The following PLEKHO2 variants were observed in gnomAD, a reference collection of about 807,000 sequenced individuals.
PLEKHO2 encodes the protein pleckstrin homology domain-containing family O member 2.
In PLEKHO2, 20 loss-of-function variants were observed where a neutral mutation model predicts 32.7. The observed-to-expected ratio is 0.61, with a 90% CI of 0.43 to 0.89. The LOEUF is 0.89. Ranked by LOEUF, PLEKHO2 falls within the 40% of genes least tolerant of loss-of-function variation. PLEKHO2 has a pLI of 0.00. For missense variants in PLEKHO2, 568 were observed against 621.2 expected (o/e 0.91, Z 0.91); for synonymous variants, 247 against 246.3 (o/e 1.00, Z -0.03).
rs202091259 is a variant in PLEKHO2, at chr15:64,848,548, C to T, written c.13-45C>T. ...GACCTATGAACCTGTGACCTGTGAC[C>T]CCATGGTAGCAACCCTCATGGTATG... On this transcript the variant is annotated intron_variant, in intron 1 of 5. Coordinates refer to ENST00000323544, the MANE Select transcript of PLEKHO2 (RefSeq NM_025201.5). 1.6e-5 allele frequency: 25 copies of T among 1,611,090 alleles called. No individual in the cohort carries two copies. The East Asian group carries it at 3.8e-4, about 24-fold the overall frequency.
intron 2 of PLEKHO2, among the ~76,000 whole-genome samples, chr15:64,853,066 G>C (rs1360886077): frequency 6.6e-6 from 1 of 150,420 alleles, no homozygotes; most frequent in Non-Finnish European, 1.5e-5. Flanking sequence ...AGGTACCCAG[G>C]AGGCAGAGGT....
chr15:64,850,669 C>T (rs1338501167), intron 2 of PLEKHO2, among the ~76,000 whole-genome samples: 2 of 152,186 alleles, frequency 1.3e-5, no homozygotes, highest in Admixed American at 1.3e-4. Flanking sequence ...CCTTGTGCCT[C>T]GAATAGCCCT....
At chr15:64,857,478 G>C (rs1595831049) in intron 3 of PLEKHO2, among the ~76,000 whole-genome samples, 1 of 152,188 alleles carries the variant, frequency 6.6e-6, no homozygotes, top group East Asian at 1.9e-4. Context: ...GGGACTGCAG[G>C]CACACACCGT....
rs184760228 is a variant in PLEKHO2 at position 64,843,799 on chromosome 15, C to T, written c.12+1771C>T. On this transcript the variant is annotated intron_variant, in intron 1 of 5. Transcript: ENST00000323544. Reference sequence around the variant, plus strand: ...TTCTCCATGTTGGTCAGGCTGGTCTCGAACTCCTGACCTCAGGTGATCCGC... The same window carrying T: ...TTCTCCATGTTGGTCAGGCTGGTCTTGAACTCCTGACCTCAGGTGATCCGC... Among the ~76,000 whole-genome samples the T allele has an allele frequency of 5.2e-3, 786 of 152,158 alleles. 15 individuals are homozygous for T. The highest frequency in any genetic ancestry group is 0.017 in the African/African-American group (711 of 41,492).
chr15:64,861,357 G>A, intron 4 of PLEKHO2, 120 bp from the exon 5 acceptor site: 1 of 664,048 alleles, frequency 1.5e-6, no homozygotes, highest in Non-Finnish European at 2.5e-6. Flanking sequence ...CCAGGGCAGG[G>A]AGATTCCCAG....
Position 64,864,907 on chromosome 15 carries a change from T to A in PLEKHO2, c.492T>A (p.Ser164Arg). 1 of 1,602,828 alleles carries A rather than the reference T, an allele frequency of 6.2e-7. No individual in the cohort carries two copies. The highest frequency in any genetic ancestry group is 8.5e-7 in the Non-Finnish European group (1 of 1,173,314). Residue 164 changes from serine (S) to arginine (R), a missense_variant, in exon 6 of 6, where the codon AGT (serine) becomes AGA (arginine). Ser to Arg is a moderately radical substitution (Grantham distance 110). Coordinates refer to ENST00000323544, the MANE Select transcript of PLEKHO2 (RefSeq NM_025201.5). ...PTRVHLKEVA[S>R]AASDGLLRLD... ...ACCATCCCCCCCACCAGGTGGCCAGTGCAGCTTCTGACGGTCTTCTGCGCC... is the reference window on the plus strand; with the variant it reads ...ACCATCCCCCCCACCAGGTGGCCAGAGCAGCTTCTGACGGTCTTCTGCGCC...
At chr15:64,864,299 A>G (rs993778555) in intron 5 of PLEKHO2, among the ~76,000 whole-genome samples, 1 of 152,154 alleles carries the variant, frequency 6.6e-6, no homozygotes. Context: ...ATCTGATGAC[A>G]TGAGGAGAGT....
intron 2 of PLEKHO2, 56 bp downstream of exon 2, chr15:64,848,798 G>A (rs2084543308): frequency 1.9e-6 from 3 of 1,606,670 alleles, no homozygotes; most frequent in Non-Finnish European, 2.6e-6. Flanking sequence ...CAAAGTGAGG[G>A]CATTCAAGTT....
chr15:64,856,390 G>A (rs569351817), intron 3 of PLEKHO2, among the ~76,000 whole-genome samples: 3 of 152,208 alleles, frequency 2.0e-5, no homozygotes, highest in East Asian at 3.9e-4. Flanking sequence ...GTCTGGGTGT[G>A]TGTCTTAGTA....
chr15:64,861,559 G>C lies in PLEKHO2; in HGVS notation c.467G>C (p.Arg156Thr). ...RGGQRRRPPT[R>T]VHLKEVASAA... The stretch of plus-strand genomic sequence containing the variant: ...GGCCAGCGACGCCGGCCACCAACGA[G>C]AGTCCACCTGAAGGAGGTAGGGCCT... The change falls in exon 5 of 6, where the codon AGA becomes ACA. Residue 156 changes from arginine to threonine, a missense_variant. By Grantham distance (71) the Arg-to-Thr change is moderately conservative. Coordinates refer to ENST00000323544, the MANE Select transcript of PLEKHO2 (RefSeq NM_025201.5). 2 of 1,604,766 alleles carry C rather than the reference G, an allele frequency of 1.2e-6. No homozygotes were observed. Among genetic ancestry groups the C allele is most frequent in the Non-Finnish European group, 1.7e-6 (2 of 1,176,536 alleles).
At chr15:64,856,830 T>G (rs2084609326) in intron 3 of PLEKHO2, among the ~76,000 whole-genome samples, 1 of 152,128 alleles carries the variant, frequency 6.6e-6, no homozygotes, top group South Asian at 2.1e-4. Flanking sequence ...GGCACCACAT[T>G]CCCACATCCT....
chr15:64,843,032 G>T (rs1324411972), intron 1 of PLEKHO2, among the ~76,000 whole-genome samples: 1 of 152,184 alleles, frequency 6.6e-6, no homozygotes, highest in Non-Finnish European at 1.5e-5. Context: ...GGGGAGGAAA[G>T]ATGAAGTTCT....
chr15:64,844,918 A>G (rs949339240), intron 1 of PLEKHO2, among the ~76,000 whole-genome samples: 4 of 152,212 alleles, frequency 2.6e-5, no homozygotes, highest in African/African-American at 9.6e-5. Context: ...CCCGCTCCCC[A>G]CCAGACAGGG....
chr15:64,854,362 G>A (rs1178465746), intron 2 of PLEKHO2, among the ~76,000 whole-genome samples: 1 of 152,182 alleles, frequency 6.6e-6, no homozygotes, highest in Non-Finnish European at 1.5e-5. Flanking sequence ...CTTGGATGAG[G>A]TGCTGCTCTC....
chr15:64,847,452 G>A (rs144924261), intron 1 of PLEKHO2, among the ~76,000 whole-genome samples: 19 of 152,154 alleles, frequency 1.2e-4, no homozygotes, highest in African/African-American at 4.6e-4. Flanking sequence ...TCACACTCAC[G>A]ACTCTGGGTA....
rs576094844 is a variant in PLEKHO2 at position 64,851,567 on chromosome 15, C to T, written c.162+2825C>T. Among the ~76,000 whole-genome samples the T allele has an allele frequency of 3.3e-5, 5 of 152,188 alleles. No individual in the cohort carries two copies. In the East Asian group the frequency reaches 7.7e-4, roughly 23 times the overall value. On this transcript the variant is annotated intron_variant, in intron 2 of 5. Coordinates refer to ENST00000323544, the MANE Select transcript of PLEKHO2 (RefSeq NM_025201.5). ...TTGAGAAATGCTTATTAGCTCAATT[C>T]CTCTTTCTGATGTAAGGAACTAGGC...
intron 1 of PLEKHO2, among the ~76,000 whole-genome samples, chr15:64,843,940 G>C (rs2084504616): frequency 6.6e-6 from 1 of 152,094 alleles, no homozygotes; most frequent in Admixed American, 6.5e-5. Context: ...GGCCATCTAA[G>C]TTCTTGTCCA....
chr15:64,866,110 G>T lies in PLEKHO2; in HGVS notation c.*222G>T. ...CCCAGGGCTACTGCCTGGCTATCTG[G>T]CCTGGCCTCTGGGCTGGGGCTGGGG... is the stretch of plus-strand genomic sequence containing the variant. On this transcript the variant is annotated 3_prime_UTR_variant, in exon 6 of 6. Transcript: ENST00000323544. 1 of 636,602 alleles carries T rather than the reference G, an allele frequency of 1.6e-6. No individual in the cohort carries two copies. The highest frequency in any genetic ancestry group is 2.7e-6 in the Non-Finnish European group (1 of 373,654). 39.4% of individuals were successfully genotyped at this position (636,602 alleles called of 1,614,324 possible). A position where few individuals can be genotyped will look rare whatever the true frequency, so the allele number is the denominator to read the frequency against.
intron 1 of PLEKHO2, among the ~76,000 whole-genome samples, chr15:64,842,390 CTGTGTGTGTGTG>C (rs1184410989): frequency 5.5e-5 from 8 of 145,192 alleles, no homozygotes; most frequent in Non-Finnish European, 9.1e-5. Flanking sequence ...CTCTCTCTCT[CTGTGTGTGTGTG>C]TGTGTGTGTG....
Sources: gnomAD v4.1 joint callset for allele counts (sites outside exome capture counted in the v4.1 genomes callset) on GRCh38, gnomAD v4.1.1 for gene constraint, MANE v1.5 for transcripts, NCBI Gene and HGNC (gene_info 2026-07-23, HGNC 2026-07-21) for gene names.